The following CEP350 variants were observed in gnomAD, a reference collection of about 807,000 sequenced individuals.
The protein encoded by CEP350 is centrosome-associated protein 350.
In CEP350, 126 loss-of-function variants were observed where a neutral mutation model predicts 331.8. That is an observed-to-expected ratio of 0.38 (90% confidence interval 0.33 to 0.44). CEP350 has a LOEUF of 0.44. Ranked by LOEUF, CEP350 falls within the 20% of genes least tolerant of loss-of-function variation. CEP350 has a pLI of 1.00. For missense variants in CEP350, 3,406 were observed against 3,634.6 expected, an observed-to-expected ratio of 0.94 and a Z score of 1.62; for synonymous variants, 1,200 against 1,259.5, an observed-to-expected ratio of 0.95 and a Z score of 1.00.
At chr1:180,097,501 T>C (rs773319484) in intron 36 of CEP350, among the ~76,000 whole-genome samples, 22 of 152,234 alleles carry the variant, frequency 1.4e-4, no homozygotes, top group Non-Finnish European at 2.6e-4. Context: ...TGAGAATCTT[T>C]CCAGGTGATT....
intron 1 of CEP350, chr1:179,969,474 C>G: frequency 8.3e-6 from 4 of 482,192 alleles, no homozygotes; most frequent in South Asian, 5.9e-5. Flanking sequence ...CTGCTCAGGC[C>G]ACTGAATGGG....
intron 7 of CEP350, among the ~76,000 whole-genome samples, chr1:180,005,816 C>A (rs1654220508): frequency 6.6e-6 from 1 of 152,138 alleles, no homozygotes; most frequent in South Asian, 2.1e-4. Context: ...TAGGTATGGT[C>A]CTGCTTTAAG....
intron 1 of CEP350, among the ~76,000 whole-genome samples, 164 bp from the exon 2 acceptor site, chr1:179,986,005 A>G (rs1189921250): frequency 1.3e-5 from 2 of 152,180 alleles, no homozygotes; most frequent in East Asian, 1.9e-4. Context: ...TAGTTTTGCA[A>G]ATCTTTGCCA....
Position 180,092,950 on chromosome 1 carries a change from A to T in CEP350, c.6845A>T (p.Asp2282Val). 3 of 1,594,770 alleles carry T rather than the reference A, an allele frequency of 1.9e-6. No homozygotes were observed. Among genetic ancestry groups the T allele is most frequent in the Non-Finnish European group, 2.6e-6 (3 of 1,169,004 alleles). ...EDAFSKEGKS[D>V]VLLKLVLEQG... is the part of the protein sequence containing the mutation. ...GCCTTTTCTAAAGAAGGTAAATCTG[A>T]TGTCTTACTGAAATTAGTCCTAGAA... is the stretch of plus-strand genomic sequence containing the variant. The change falls in exon 34 of 38, where the codon GAT (aspartate) becomes GTT (valine). Residue 2282 changes from aspartate (D) to valine (V), a missense_variant. By Grantham distance (152) the Asp-to-Val change is radical. Transcript: ENST00000367607.
chr1:180,075,393 C>G (rs1392689772), intron 28 of CEP350, among the ~76,000 whole-genome samples, 172 bp downstream of exon 28: 4 of 151,976 alleles, frequency 2.6e-5, no homozygotes. Context: ...TCAAGACCAG[C>G]CTGGATGACA....
At chr1:180,072,624 C>A (rs1011275316) in intron 27 of CEP350, among the ~76,000 whole-genome samples, 1 of 152,050 alleles carries the variant, frequency 6.6e-6, no homozygotes, top group Non-Finnish European at 1.5e-5. Flanking sequence ...TCAAGGCAAT[C>A]CAGATATGAA....
intron 7 of CEP350, 83 bp downstream of exon 7, chr1:180,003,370 C>A: frequency 5.5e-6 from 5 of 903,088 alleles, no homozygotes; most frequent in Non-Finnish European, 8.4e-6. Flanking sequence ...AAATTGTCAC[C>A]AAACTAACAA....
chr1:180,062,389 T>C, intron 26 of CEP350, 23 bp downstream of exon 26: 1 of 1,564,854 alleles, frequency 6.4e-7, no homozygotes. Context: ...AAGTTATTAT[T>C]TGTTTCCTGT....
intron 1 of CEP350, among the ~76,000 whole-genome samples, chr1:179,983,017 T>C (rs1046948618): frequency 6.6e-6 from 1 of 151,732 alleles, no homozygotes; most frequent in Non-Finnish European, 1.5e-5. Context: ...TCTTGATCTC[T>C]TGACCTCATG....
intron 6 of CEP350, among the ~76,000 whole-genome samples, chr1:179,997,722 A>G (rs1304388547): frequency 6.6e-6 from 1 of 152,146 alleles, no homozygotes; most frequent in Admixed American, 6.5e-5. Context: ...AAGTTATACA[A>G]ATAATAATTG....
At chr1:180,016,056 T>C in intron 11 of CEP350, 86 bp downstream of exon 11, 2 of 1,496,658 alleles carry the variant, frequency 1.3e-6, no homozygotes, top group South Asian at 1.2e-5. Context: ...TTGTTGACTT[T>C]TGTGAACAAG....
rs1442818096 is a variant in CEP350, at chr1:180,003,275, C to T, written c.1120C>T (p.Leu374Phe). ...MSRELYRDLA[L>F]HFADDISIKE... is the part of the protein sequence containing the mutation. ...TAGAGAACTGTATCGAGATTTAGCA[C>T]TTCACTTTGCAGGTGAGAATAGAGC... is the stretch of plus-strand genomic sequence containing the variant. Residue 374 changes from leucine (L) to phenylalanine (F), a missense_variant, in exon 7 of 38, where the codon CTT (leucine) becomes TTT (phenylalanine). Leu to Phe is a conservative substitution (Grantham distance 22, BLOSUM62 0). Coordinates refer to ENST00000367607, the MANE Select transcript of CEP350 (RefSeq NM_014810.5). The T allele has an allele frequency of 6.2e-7, 1 of 1,605,294 alleles. No individual in the cohort carries two copies. Among genetic ancestry groups the T allele is most frequent in the Admixed American group, 1.7e-5 (1 of 59,168 alleles).
chr1:180,020,089 A>G lies in CEP350; in HGVS notation c.2315A>G (p.His772Arg), dbSNP rs1173528882. The G allele has an allele frequency of 1.3e-5, 21 of 1,613,932 alleles. No homozygotes were observed. Among genetic ancestry groups the G allele is most frequent in the Middle Eastern group, 1.6e-4 (1 of 6,084 alleles). The change falls in exon 12 of 38, where the codon CAT becomes CGT. Residue 772 changes from histidine to arginine, a missense_variant. His to Arg is a conservative substitution (Grantham distance 29). Around this residue, in one of 5 missense-constraint regions of CEP350, gnomAD observed 1,857 missense variants for 1,909.2 expected, o/e 0.97. Transcript: ENST00000367607. ...LLSLEHVGIL[H>R]KDFESILPTR... ...AGTTTAGAGCATGTAGGAATTTTGC[A>G]TAAGGATTTTGAATCTATTTTACCA...
At chr1:179,998,784 G>A (rs1378229939) in intron 6 of CEP350, among the ~76,000 whole-genome samples, 3 of 151,764 alleles carry the variant, frequency 2.0e-5, no homozygotes, top group Non-Finnish European at 4.4e-5. Context: ...TACAGTTTTC[G>A]CCAATTATTA....
intron 11 of CEP350, among the ~76,000 whole-genome samples, chr1:180,019,633 T>G (rs543267813): frequency 4.2e-4 from 64 of 152,324 alleles, no homozygotes; most frequent in African/African-American, 1.4e-3. Flanking sequence ...TTTAATAGTT[T>G]TTTAAAAATA....
intron 12 of CEP350, among the ~76,000 whole-genome samples, chr1:180,021,884 T>A (rs141567051): frequency 6.6e-6 from 1 of 152,172 alleles, no homozygotes. Context: ...TCCCTTCTTA[T>A]ACCTGAAATC....
intron 24 of CEP350, 122 bp downstream of exon 24, chr1:180,054,056 A>C (rs1657666955): frequency 1.4e-6 from 1 of 731,126 alleles, no homozygotes; most frequent in African/African-American, 1.8e-5. Flanking sequence ...TCAAGCTAGA[A>C]ATAACGGCAG....
chr1:180,104,036 C>G (rs1030968001), intron 37 of CEP350, among the ~76,000 whole-genome samples: 1 of 140,022 alleles, frequency 7.1e-6, no homozygotes. Flanking sequence ...AAAATATATA[C>G]AAAATATATA....
chr1:180,110,917 A>T, intron 37 of CEP350, 80 bp from the exon 38 acceptor site: 4 of 1,191,254 alleles, frequency 3.4e-6, no homozygotes, highest in Non-Finnish European at 4.9e-6. Context: ...TCCTATGGAT[A>T]GGACTACAAA....
Sources: allele counts gnomAD v4.1 joint callset (sites outside exome capture counted in the v4.1 genomes callset), GRCh38; gene constraint gnomAD v4.1.1; regional missense constraint gnomAD v4.1.1; transcripts MANE v1.5; gene names NCBI Gene and HGNC (gene_info 2026-07-23, HGNC 2026-07-21).